Variants in HPD observed in about 807,000 individuals in gnomAD.
HPD encodes 4-hydroxyphenylpyruvate dioxygenase, also known as 4-hydroxyphenylpyruvic acid oxidase.
HPD carries 35 observed loss-of-function variants against 56.9 expected under a neutral mutation model. The ratio of observed to expected loss-of-function variants is 0.62; its 90% CI spans 0.47 to 0.82. The LOEUF is 0.82. Ranked by LOEUF, HPD falls within the 40% of genes least tolerant of loss-of-function variation. HPD has a pLI of 0.00. For missense variants in HPD, 442 were observed against 506.8 expected (o/e 0.87, Z 1.23); for synonymous variants, 186 against 200.2 (o/e 0.93, Z 0.60).
Position 121,844,605 on chromosome 12 carries a change from C to T in HPD, c.832-773G>A, listed in dbSNP as rs1035066357. On this transcript the variant is annotated intron_variant, in intron 11 of 13. Transcript: ENST00000289004. ...TCTATTAAAAATACAAAAAAAAGGC[C>T]GGGCGAGGTGGCTCACGCCTGTAAT... Among the ~76,000 whole-genome samples the T allele has an allele frequency of 2.4e-4, 37 of 151,434 alleles. 1 individual carries two copies. The highest frequency in any genetic ancestry group is 2.0e-4 in the Admixed American group (3 of 15,172).
At chr12:121,866,094 G>A (rs543529592), upstream of HPD, among the ~76,000 whole-genome samples, 9 of 152,166 alleles carry the variant, frequency 5.9e-5, no homozygotes, top group East Asian at 1.7e-3. Flanking sequence ...TCGGGAGATC[G>A]AGACCATCCT....
intron 12 of HPD, among the ~76,000 whole-genome samples, chr12:121,841,141 G>T (rs899153001): frequency 8.6e-5 from 13 of 151,018 alleles, no homozygotes; most frequent in Non-Finnish European, 1.5e-4. Context: ...AGTGGAGGTT[G>T]CAGTGAGCCA....
intron 12 of HPD, among the ~76,000 whole-genome samples, chr12:121,841,009 C>A (rs1217051788): frequency 6.6e-6 from 1 of 151,306 alleles, no homozygotes; most frequent in Non-Finnish European, 1.5e-5. Flanking sequence ...GCCTGGCCAA[C>A]ATGGTGAAAC....
At chr12:121,846,792 T>C in intron 11 of HPD, 70 bp downstream of exon 11, 1 of 1,475,732 alleles carries the variant, frequency 6.8e-7, no homozygotes, top group Non-Finnish European at 9.4e-7. Context: ...CCACCCGCCC[T>C]CTCAATTTTG....
Position 121,843,783 on chromosome 12 carries a change from G to T in HPD, c.881C>A (p.Thr294Lys). ...CTTCTCCCGCAGTTGTTTGTAGTACGTGGAGGGAACAGATAAGAACTCCAG... is the reference window on the plus strand; with the variant it reads ...CTTCTCCCGCAGTTGTTTGTAGTACTTGGAGGGAACAGATAAGAACTCCAG... ...RGLEFLSVPS[T>K]YYKQLREKLK... The change falls in exon 12 of 14, where the codon ACG becomes AAG. Residue 294 changes from threonine to lysine, a missense_variant. Transcript: ENST00000289004. 6.2e-7 allele frequency: 1 copy of T among 1,614,076 alleles called. No individual in the cohort carries two copies. The highest frequency in any genetic ancestry group is 1.1e-5 in the South Asian group (1 of 91,078).
intron 7 of HPD, among the ~76,000 whole-genome samples, chr12:121,851,960 T>TG: frequency 1.5e-4 from 1 of 6,724 alleles, no homozygotes; most frequent in Admixed American, 9.2e-4. Flanking sequence ...CCTGACCTCG[T>TG]GATCCGCCCG....
intron 12 of HPD, 127 bp from the exon 13 acceptor site, chr12:121,840,175 A>C: frequency 1.3e-6 from 1 of 742,190 alleles, no homozygotes; most frequent in Non-Finnish European, 2.5e-6. Context: ...AGCCACCTCC[A>C]AATATATCCC....
chr12:121,884,475 AT>A, the HPD span, among the ~76,000 whole-genome samples: 41 of 146,734 alleles, frequency 2.8e-4, no homozygotes, highest in South Asian at 6.5e-4. Flanking sequence ...CCGCTAATTA[AT>A]TTTTTTTTTT....
Position 121,857,403 on chromosome 12 carries a change from G to A in HPD, c.123C>T (p.Gly41=), listed in dbSNP as rs761867311. The change falls in exon 4 of 14, where the codon GGC becomes GGT. Residue 41 remains glycine (G), a synonymous_variant. Coordinates refer to ENST00000289004, the MANE Select transcript of HPD (RefSeq NM_002150.3). ...GGCCCCTGTAGGCTAGAGGTTCAAA[G>A]CCCATCTTGCTGCAGTAGAATGACG... ...QATSFYCSKM[G]FEPLAYRGLE... is the part of the protein sequence containing the mutation. The A allele has an allele frequency of 2.2e-5, 36 of 1,613,736 alleles. No homozygotes were observed. Among genetic ancestry groups the A allele is most frequent in the Non-Finnish European group, 1.9e-5 (23 of 1,179,738 alleles).
intron 10 of HPD, 54 bp downstream of exon 10, chr12:121,846,998 G>A: frequency 1.9e-6 from 3 of 1,613,254 alleles, no homozygotes; most frequent in South Asian, 1.1e-5. Context: ...GACCCTACAA[G>A]AGCCCCCAGA....
intron 6 of HPD, among the ~76,000 whole-genome samples, chr12:121,855,865 G>A (rs1877974108): frequency 6.6e-6 from 1 of 151,734 alleles, no homozygotes; most frequent in Admixed American, 6.6e-5. Flanking sequence ...AGCTACTTAG[G>A]AGGCTGAGGC....
At chr12:121,871,878 T>A in the HPD span, among the ~76,000 whole-genome samples, 5 of 152,016 alleles carry the variant, frequency 3.3e-5, no homozygotes, top group Non-Finnish European at 5.9e-5. Flanking sequence ...CCTCTGTTCC[T>A]GGCACCGGGG....
chr12:121,864,221 C>T (rs560821433), upstream of HPD, among the ~76,000 whole-genome samples: 35 of 150,708 alleles, frequency 2.3e-4, no homozygotes, highest in African/African-American at 7.6e-4. Flanking sequence ...TCCAGCCTGG[C>T]GACAGAGCAA....
At chr12:121,883,085 G>A in the HPD span, among the ~76,000 whole-genome samples, 1 of 152,026 alleles carries the variant, frequency 6.6e-6, no homozygotes, top group African/African-American at 2.4e-5. Context: ...GGTGTTCCAG[G>A]GTGGGAAGAG....
At chr12:121,862,324 T>C (rs1878197145), upstream of HPD, among the ~76,000 whole-genome samples, 1 of 149,688 alleles carries the variant, frequency 6.7e-6, no homozygotes, top group Admixed American at 6.8e-5. Context: ...TGAGACGGAG[T>C]CTCGCTCTTG....
At chr12:121,846,391 A>AT (rs1877583407) in intron 11 of HPD, among the ~76,000 whole-genome samples, 1 of 151,868 alleles carries the variant, frequency 6.6e-6, no homozygotes, top group South Asian at 2.1e-4. Context: ...TAATTTTTGT[A>AT]TTTTTAGTAG....
chr12:121,852,897 G>A (rs940982754), intron 7 of HPD, among the ~76,000 whole-genome samples: 1 of 151,976 alleles, frequency 6.6e-6, no homozygotes, highest in Middle Eastern at 3.2e-3. Context: ...CTCCTACAGT[G>A]CTGGGATTAT....
intron 12 of HPD, among the ~76,000 whole-genome samples, chr12:121,840,469 T>G (rs759654903): frequency 6.6e-6 from 1 of 152,110 alleles, no homozygotes; most frequent in South Asian, 2.1e-4. Context: ...CCCGGCTAAT[T>G]TTTGTATTTT....
chr12:121,881,636 G>GT, the HPD span, among the ~76,000 whole-genome samples: 1 of 151,320 alleles, frequency 6.6e-6, no homozygotes, highest in African/African-American at 2.4e-5. Flanking sequence ...CCATGACTTT[G>GT]TTTTTTTGTT....
Sources: gnomAD v4.1 joint callset for allele counts (sites outside exome capture counted in the v4.1 genomes callset) on GRCh38, gnomAD v4.1.1 for gene constraint, MANE v1.5 for transcripts, NCBI Gene and HGNC (gene_info 2026-07-23, HGNC 2026-07-21) for gene names.